CDH18: variants seen among roughly 807,000 people sequenced by gnomAD.
CDH18 encodes cadherin 18.
CDH18 carries 31 observed loss-of-function variants against 67.9 expected under a neutral mutation model. That is an observed-to-expected ratio of 0.46 (90% confidence interval 0.34 to 0.62). The LOEUF (loss-of-function observed/expected upper bound fraction) is 0.62, where lower values mean the gene tolerates loss of function less well. Among genes scored for constraint, CDH18 ranks in the 20% least tolerant of loss-of-function variants. The pLI is 0.01. For synonymous variants in CDH18, 362 were observed against 347.2 expected (o/e 1.04, Z -0.48); for missense variants, 890 against 975.5 (o/e 0.91, Z 1.17).
intron 2 of CDH18, among the ~76,000 whole-genome samples, chr5:20,226,179 T>G (rs1481543716): frequency 6.6e-6 from 1 of 152,076 alleles, no homozygotes; most frequent in African/African-American, 2.4e-5. Context: ...TACATACACA[T>G]AAACACACTG....
intron 5 of CDH18, among the ~76,000 whole-genome samples, chr5:19,657,924 G>T (rs533938001): frequency 6.6e-6 from 1 of 152,102 alleles, no homozygotes; most frequent in African/African-American, 2.4e-5. Context: ...GAACATGAGG[G>T]CCTCCTTCAA....
intron 5 of CDH18, among the ~76,000 whole-genome samples, chr5:19,648,755 T>G (rs1380589393): frequency 6.6e-6 from 1 of 152,098 alleles, no homozygotes; most frequent in East Asian, 1.9e-4. Flanking sequence ...TATAATACTT[T>G]TATTTTTATG....
chr5:19,479,526 T>C (rs1457983943), intron 12 of CDH18, among the ~76,000 whole-genome samples: 1 of 152,156 alleles, frequency 6.6e-6, no homozygotes, highest in African/African-American at 2.4e-5. Context: ...CATTATAATA[T>C]ATAATTGTAG....
At chr5:20,465,361 C>T (rs1488543380) in intron 1 of CDH18, among the ~76,000 whole-genome samples, 1 of 151,976 alleles carries the variant, frequency 6.6e-6, no homozygotes, top group Non-Finnish European at 1.5e-5. Context: ...TTTCAAACAA[C>T]CAACAACTGC....
At chr5:19,998,147 C>T (rs1034458888) in intron 2 of CDH18, among the ~76,000 whole-genome samples, 14 of 151,992 alleles carry the variant, frequency 9.2e-5, no homozygotes, top group African/African-American at 2.9e-4. Flanking sequence ...GTCTCTGCCC[C>T]GCTGGCAAAG....
At chr5:20,280,909 G>T (rs1746209349) in intron 1 of CDH18, among the ~76,000 whole-genome samples, 1 of 152,198 alleles carries the variant, frequency 6.6e-6, no homozygotes, top group African/African-American at 2.4e-5. Flanking sequence ...TCAAACTGGT[G>T]TGAGATGGTA....
At chr5:19,777,992 G>T (rs1299612167) in intron 3 of CDH18, among the ~76,000 whole-genome samples, 2 of 152,146 alleles carry the variant, frequency 1.3e-5, no homozygotes, top group African/African-American at 2.4e-5. Flanking sequence ...CAAATCAGAT[G>T]AATCAAATTC....
intron 11 of CDH18, among the ~76,000 whole-genome samples, chr5:19,490,394 G>GTTGTTT (rs1741227669): frequency 1.7e-5 from 1 of 60,210 alleles, no homozygotes. Context: ...ATAAAAATCT[G>GTTGTTT]TTTTTTTTTT....
chr5:20,495,625 C>T (rs935020756), intron 1 of CDH18, among the ~76,000 whole-genome samples: 4 of 152,018 alleles, frequency 2.6e-5, no homozygotes, highest in African/African-American at 9.7e-5. Flanking sequence ...GGAAATGTCA[C>T]AGGAAAAACA....
intron 9 of CDH18, among the ~76,000 whole-genome samples, chr5:19,523,418 C>T (rs1432686585): frequency 6.6e-6 from 1 of 151,974 alleles, no homozygotes; most frequent in Non-Finnish European, 1.5e-5. Context: ...TGGGTGAACA[C>T]ATTTGTGGCA....
At chr5:19,496,584 G>A (rs1225666057) in intron 11 of CDH18, among the ~76,000 whole-genome samples, 2 of 152,008 alleles carry the variant, frequency 1.3e-5, no homozygotes, top group Non-Finnish European at 2.9e-5. Context: ...AGGCCAAGGC[G>A]GGTGGATCAC....
intron 1 of CDH18, among the ~76,000 whole-genome samples, chr5:20,542,142 C>A (rs1190317360): frequency 6.6e-6 from 1 of 152,136 alleles, no homozygotes; most frequent in African/African-American, 2.4e-5. Context: ...GACAGTGTTT[C>A]ACCATGTTCA....
chr5:19,753,176 A>G (rs765911054), intron 3 of CDH18, among the ~76,000 whole-genome samples: 1 of 152,178 alleles, frequency 6.6e-6, no homozygotes, highest in Non-Finnish European at 1.5e-5. Flanking sequence ...CAAACCAAGA[A>G]GAAATCCCTG....
chr5:20,550,770 A>G (rs769031377), intron 1 of CDH18, among the ~76,000 whole-genome samples: 1 of 152,148 alleles, frequency 6.6e-6, no homozygotes, highest in Non-Finnish European at 1.5e-5. Flanking sequence ...TAGGCTGGGT[A>G]ATTTATTTAA....
intron 2 of CDH18, among the ~76,000 whole-genome samples, chr5:20,144,047 C>T (rs747792620): frequency 5.3e-5 from 8 of 152,106 alleles, no homozygotes; most frequent in Non-Finnish European, 8.8e-5. Flanking sequence ...ACAGCAGAAA[C>T]GCTGCCTGCC....
rs371387415 is a variant in CDH18 at position 19,995,991 on chromosome 5, T to C, written c.-517-3977A>G. ...GAAATATATTGCACTCAGGACACAA[T>C]ATTTACAGTACCAGTAAAGAGGCAA... is the stretch of plus-strand genomic sequence containing the variant. On this transcript the variant is annotated intron_variant, in intron 2 of 14. Coordinates refer to the CDH18 transcript ENST00000507958. Among the ~76,000 whole-genome samples, 91 of 152,200 alleles carry C rather than the reference T, an allele frequency of 6.0e-4. No homozygotes were observed. The South Asian group carries it at 0.016, about 27-fold the overall frequency.
At chr5:19,948,008 T>A (rs973022975) in intron 2 of CDH18, among the ~76,000 whole-genome samples, 7 of 152,082 alleles carry the variant, frequency 4.6e-5, no homozygotes, top group Non-Finnish European at 8.8e-5. Context: ...CAATATACAG[T>A]GAGTACGTAA....
chr5:20,022,755 C>G (rs758203641), intron 2 of CDH18, among the ~76,000 whole-genome samples: 3 of 152,052 alleles, frequency 2.0e-5, no homozygotes, highest in African/African-American at 7.2e-5. Context: ...CATATTATTT[C>G]TAGTCTATTA....
At chr5:19,510,240 T>C (rs1236443830) in intron 10 of CDH18, among the ~76,000 whole-genome samples, 1 of 152,146 alleles carries the variant, frequency 6.6e-6, no homozygotes, top group Non-Finnish European at 1.5e-5. Context: ...TTTCAAGATA[T>C]GGTTAAAAGA....
Sources: allele counts gnomAD v4.1 joint callset (sites outside exome capture counted in the v4.1 genomes callset), GRCh38; gene constraint gnomAD v4.1.1; transcripts MANE v1.5; gene names NCBI Gene and HGNC (gene_info 2026-07-23, HGNC 2026-07-21).